The following PTPRE variants were observed in gnomAD, a reference collection of about 807,000 sequenced individuals.
The protein encoded by PTPRE is receptor-type tyrosine-protein phosphatase epsilon.
A neutral mutation model predicts 102.0 loss-of-function variants in PTPRE; 51 were observed. That is an observed-to-expected ratio of 0.50 (90% CI 0.40 to 0.63). PTPRE has a LOEUF of 0.63. Ranked by LOEUF, PTPRE falls within the 30% of genes least tolerant of loss-of-function variation. The probability of loss-of-function intolerance (pLI) is 0.00; values close to 1 mark genes in which losing one functional copy is unlikely to be tolerated. For synonymous variants in PTPRE, 345 were observed against 348.2 expected, an observed-to-expected ratio of 0.99 and a Z score of 0.10; for missense variants, 752 against 915.1, an observed-to-expected ratio of 0.82 and a Z score of 2.30.
At chr10:127,926,936 C>T (rs1430375692) in intron 1 of PTPRE, among the ~76,000 whole-genome samples, 2 of 150,670 alleles carry the variant, frequency 1.3e-5, no homozygotes, top group East Asian at 3.9e-4. Context: ...CTCAGCCTCC[C>T]AAGTAGCTGG....
chr10:128,000,248 C>T (rs181985631), intron 2 of PTPRE, among the ~76,000 whole-genome samples: 69 of 152,306 alleles, frequency 4.5e-4, no homozygotes, highest in Non-Finnish European at 2.6e-4. Context: ...TAAATTGATA[C>T]TTAACGTATA....
chr10:127,971,391 G>A (rs1272749858), intron 1 of PTPRE, among the ~76,000 whole-genome samples: 3 of 152,138 alleles, frequency 2.0e-5, no homozygotes, highest in African/African-American at 4.8e-5. Context: ...CCATGTTCTC[G>A]ATGCCTCTGT....
intron 2 of PTPRE, among the ~76,000 whole-genome samples, chr10:127,984,130 G>A (rs1228141818): frequency 7.1e-6 from 1 of 141,720 alleles, no homozygotes; most frequent in Non-Finnish European, 1.5e-5. Context: ...TACCCAGGCT[G>A]ACGTGTGATG....
chr10:128,016,658 G>A (rs751806037), intron 2 of PTPRE, among the ~76,000 whole-genome samples: 1 of 152,026 alleles, frequency 6.6e-6, no homozygotes, highest in Non-Finnish European at 1.5e-5. Flanking sequence ...TCCCTGGGAG[G>A]TTGGCACAGC....
At chr10:128,048,314 A>G (rs1848265923) in intron 5 of PTPRE, among the ~76,000 whole-genome samples, 1 of 152,218 alleles carries the variant, frequency 6.6e-6, no homozygotes, top group Non-Finnish European at 1.5e-5. Flanking sequence ...TACAGTTTCG[A>G]ACTTGTTGTC....
rs1458104612 is a variant in PTPRE, at chr10:128,028,658, C to T, written c.-7-12217C>T. ...ACCCCCTCAGGCACAGCTGAGCAGC[C>T]CGCCGGGGCCCAGGGTTCCTTGGTC... On this transcript the variant is annotated intron_variant, in intron 2 of 20. Coordinates refer to ENST00000254667, the MANE Select transcript of PTPRE (RefSeq NM_006504.6). This position sits in a 1 kb window ranked among gnomAD's most constrained non-coding sequence, Gnocchi z 4.5. Among the ~76,000 whole-genome samples, 1 of 152,082 alleles carries T rather than the reference C, an allele frequency of 6.6e-6. No individual in the cohort carries two copies. The highest frequency in any genetic ancestry group is 2.4e-5 in the African/African-American group (1 of 41,430).
chr10:127,925,336 C>T lies in PTPRE; in HGVS notation c.-31+18027C>T, dbSNP rs959910022. On this transcript the variant is annotated intron_variant, in intron 1 of 20. Transcript: ENST00000254667. Reference sequence around the variant, plus strand: ...ACATCCTATTTGTCACCTGATTTAGCCTTATTCCTTCAGGAAAGAATGGCT... The same window carrying T: ...ACATCCTATTTGTCACCTGATTTAGTCTTATTCCTTCAGGAAAGAATGGCT... 2.0e-5 allele frequency among the ~76,000 whole-genome samples: 3 copies of T among 152,334 alleles called. No homozygotes were observed. In the East Asian group the frequency reaches 5.8e-4, roughly 29 times the overall value.
intron 1 of PTPRE, among the ~76,000 whole-genome samples, chr10:127,970,404 G>A (rs1460117494): frequency 1.3e-5 from 2 of 152,096 alleles, no homozygotes; most frequent in African/African-American, 4.8e-5. Context: ...AGCCTAGAAT[G>A]TCCTCCCACC....
In PTPRE at chr10:128,073,456, G is replaced by T. The variant is rs770517673; in HGVS notation, c.1584G>T (p.Val528=). The T allele has an allele frequency of 1.9e-6, 3 of 1,613,996 alleles. No individual in the cohort carries two copies. The highest frequency in any genetic ancestry group is 2.2e-5 in the South Asian group (2 of 91,074). ...KSHTIVMLTE[V]QEREQDKCYQ... ...ACACTATCGTGATGCTGACGGAGGTGCAGGAGAGAGAGCAGGTGAGGAGTG... is the reference window on the plus strand; with the variant it reads ...ACACTATCGTGATGCTGACGGAGGTTCAGGAGAGAGAGCAGGTGAGGAGTG... Residue 528 remains valine, a synonymous_variant, in exon 17 of 21, where the codon GTG becomes GTT. Transcript: ENST00000254667.
intron 1 of PTPRE, among the ~76,000 whole-genome samples, chr10:127,932,232 A>G (rs925633916): frequency 6.6e-6 from 1 of 152,256 alleles, no homozygotes; most frequent in Non-Finnish European, 1.5e-5. Flanking sequence ...CAAAGTCTAT[A>G]TTGAAAATTA....
intron 9 of PTPRE, among the ~76,000 whole-genome samples, chr10:128,062,450 C>T (rs2135958874): frequency 6.6e-6 from 1 of 152,368 alleles, no homozygotes; most frequent in East Asian, 1.9e-4. Context: ...ATGTGTTTCT[C>T]TCTTGCCAGC....
chr10:127,921,680 C>T (rs1400768772), intron 1 of PTPRE, among the ~76,000 whole-genome samples: 3 of 152,296 alleles, frequency 2.0e-5, no homozygotes, highest in Non-Finnish European at 2.9e-5. Flanking sequence ...GGGAGGTTCC[C>T]GAGAGCCTCC....
At chr10:127,917,543 A>G (rs1163227385) in intron 1 of PTPRE, among the ~76,000 whole-genome samples, 6 of 152,124 alleles carry the variant, frequency 3.9e-5, no homozygotes, top group African/African-American at 1.2e-4. Context: ...ATGATGGTGC[A>G]TGCCTGTAGT....
At chr10:128,071,033 C>A in intron 15 of PTPRE, 132 bp downstream of exon 15, 1 of 818,218 alleles carries the variant, frequency 1.2e-6, no homozygotes, top group Non-Finnish European at 1.9e-6. Context: ...TGGCCTCAGG[C>A]TAAGGGCTCC....
At position 127,965,617 on chromosome 10, in the gene PTPRE, T is replaced by C. The variant is rs115794268; in HGVS notation, c.-30-16657T>C. On this transcript the variant is annotated intron_variant, in intron 1 of 20. Coordinates refer to ENST00000254667, the MANE Select transcript of PTPRE (RefSeq NM_006504.6). ...TAAATTATCTCATTTTGAATTGCTC[T>C]TTTACTTTATGTTGAACAATGAATA... Among the ~76,000 whole-genome samples the C allele has an allele frequency of 6.5e-3, 988 of 152,364 alleles. 12 individuals carry two copies. Among genetic ancestry groups the C allele is most frequent in the African/African-American group, 0.022 (919 of 41,576 alleles).
Position 128,066,038 on chromosome 10 carries a change from A to G in PTPRE, c.724-37A>G, listed in dbSNP as rs1346710714. ...GGGGATGTCATGATGCATTGCACCC[A>G]CAGATCTATTTGCTTCTATTAAATT... On this transcript the variant is annotated intron_variant, in intron 10 of 20. Coordinates refer to ENST00000254667, the MANE Select transcript of PTPRE (RefSeq NM_006504.6). 1.9e-6 allele frequency: 3 copies of G among 1,614,062 alleles called. No homozygotes were observed. The African/African-American group carries it at 4.0e-5, about 22-fold the overall frequency.
At chr10:128,026,313 G>A (rs1220627883) in intron 2 of PTPRE, among the ~76,000 whole-genome samples, 1 of 152,238 alleles carries the variant, frequency 6.6e-6, no homozygotes, top group African/African-American at 2.4e-5. Flanking sequence ...GTCAGGGGAG[G>A]GTCTGGCGAG....
chr10:127,923,466 C>T (rs888596455), intron 1 of PTPRE, among the ~76,000 whole-genome samples: 8 of 145,930 alleles, frequency 5.5e-5, no homozygotes, highest in East Asian at 2.0e-4. Flanking sequence ...TGCAGTGGCA[C>T]GAACTCGGCT....
chr10:128,077,177 A>G (rs1193299939), intron 18 of PTPRE, among the ~76,000 whole-genome samples: 1 of 152,044 alleles, frequency 6.6e-6, no homozygotes, highest in Non-Finnish European at 1.5e-5. Flanking sequence ...TGAGCTCCAA[A>G]CAGTCAGTAT....
Sources: allele counts gnomAD v4.1 joint callset (sites outside exome capture counted in the v4.1 genomes callset), GRCh38; gene constraint gnomAD v4.1.1; non-coding constraint Gnocchi (gnomAD v3.1); transcripts MANE v1.5; gene names NCBI Gene and HGNC (gene_info 2026-07-23, HGNC 2026-07-21).